Variants in FARP1 observed in about 807,000 individuals in gnomAD.
The protein encoded by FARP1 is FERM, ARH/RhoGEF and pleckstrin domain protein 1, also known as FERM, ARHGEF and pleckstrin domain-containing protein 1.
In FARP1, 52 loss-of-function variants were observed where a neutral mutation model predicts 128.8. The ratio of observed to expected loss-of-function variants is 0.40; its 90% CI spans 0.32 to 0.51. The LOEUF is 0.51. Among genes scored for constraint, FARP1 ranks in the 20% least tolerant of loss-of-function variants. The pLI is 0.45. For synonymous variants in FARP1, 580 were observed against 551.8 expected (o/e 1.05, Z -0.72); for missense variants, 1,333 against 1,367.9 (o/e 0.97, Z 0.40).
intron 3 of FARP1, among the ~76,000 whole-genome samples, chr13:98,354,301 C>G (rs193010043): frequency 6.6e-6 from 1 of 152,216 alleles, no homozygotes; most frequent in East Asian, 1.9e-4. Context: ...CTACGATTTT[C>G]AGTTCAAATT....
At chr13:98,235,266 C>T (rs1421427359) in intron 2 of FARP1, among the ~76,000 whole-genome samples, 4 of 152,158 alleles carry the variant, frequency 2.6e-5, no homozygotes, top group Admixed American at 6.5e-5. Context: ...ACATAAGTTT[C>T]ATCACAGTGC....
intron 19 of FARP1, among the ~76,000 whole-genome samples, chr13:98,436,382 A>G (rs1418159301): frequency 1.3e-5 from 2 of 152,216 alleles, no homozygotes; most frequent in African/African-American, 4.8e-5. Flanking sequence ...ATCATCACCC[A>G]GGAATCAAAC....
intron 16 of FARP1, among the ~76,000 whole-genome samples, chr13:98,418,857 A>G (rs1566306226): frequency 2.0e-5 from 3 of 152,328 alleles, no homozygotes; most frequent in East Asian, 1.9e-4. Context: ...CCTGGATGCT[A>G]TCAAACCTGC....
Position 98,297,629 on chromosome 13 carries a change from C to T in FARP1, c.172-46133C>T, listed in dbSNP as rs528459479. On this transcript the variant is annotated intron_variant, in intron 2 of 26. Coordinates refer to ENST00000319562, the MANE Select transcript of FARP1 (RefSeq NM_005766.4). ...CTGCCTGATTCTCTTTGGGTTATTACTACTGTGGGAAGGAGGACATTTGGG... is the reference window on the plus strand; with the variant it reads ...CTGCCTGATTCTCTTTGGGTTATTATTACTGTGGGAAGGAGGACATTTGGG... 2.1e-4 allele frequency among the ~76,000 whole-genome samples: 32 copies of T among 152,242 alleles called. No individual in the cohort carries two copies. In the East Asian group the frequency reaches 5.8e-3, roughly 28 times the overall value.
At chr13:98,307,021 G>A (rs1226656560) in intron 2 of FARP1, among the ~76,000 whole-genome samples, 1 of 152,186 alleles carries the variant, frequency 6.6e-6, no homozygotes, top group Non-Finnish European at 1.5e-5. Context: ...GAGCTGAGAA[G>A]CTCAACAGCT....
chr13:98,219,480 T>A (rs1881287720), intron 2 of FARP1, among the ~76,000 whole-genome samples: 1 of 151,606 alleles, frequency 6.6e-6, no homozygotes, highest in African/African-American at 2.4e-5. Context: ...GGACTACAGG[T>A]GCATGCCACC....
At chr13:98,237,954 G>C (rs950743846) in intron 2 of FARP1, among the ~76,000 whole-genome samples, 2 of 152,022 alleles carry the variant, frequency 1.3e-5, no homozygotes, top group African/African-American at 2.4e-5. Context: ...TTTTATGTGA[G>C]TGCAGGCTTG....
rs760473299 is a variant in FARP1 at position 98,431,247 on chromosome 13, C to G, written c.2110C>G (p.Pro704Ala). 3.1e-5 allele frequency: 49 copies of G among 1,582,540 alleles called. No individual in the cohort carries two copies. Among genetic ancestry groups the G allele is most frequent in the Non-Finnish European group, 4.0e-5 (47 of 1,165,750 alleles). ...CCTGGAGCGGCTGTGCAAACACCAC[C>G]CGCCGAGCCACGCCGACTTCAGGGA... is the stretch of plus-strand genomic sequence containing the variant. ...QVLERLCKHH[P>A]PSHADFRDCR... is the part of the protein sequence containing the mutation. Residue 704 changes from proline (P) to alanine (A), a missense_variant, in exon 18 of 27, where the codon CCG becomes GCG. Coordinates refer to ENST00000319562, the MANE Select transcript of FARP1 (RefSeq NM_005766.4).
chr13:98,330,074 G>A (rs1276946465), intron 2 of FARP1: 1 of 152,366 alleles, frequency 6.6e-6, no homozygotes, highest in Non-Finnish European at 1.5e-5. Flanking sequence ...AGAAAGAGGT[G>A]AGGGAATTAG....
intron 2 of FARP1, among the ~76,000 whole-genome samples, chr13:98,267,766 G>T (rs116616286): frequency 0.011 from 1,613 of 152,254 alleles, 37 homozygotes; most frequent in African/African-American, 0.037. Flanking sequence ...AGGACGTGCT[G>T]GGTTCCTGGG....
In FARP1 at chr13:98,261,020, A is replaced by G. The variant is rs551323489; in HGVS notation, c.171+47607A>G. The stretch of plus-strand genomic sequence containing the variant: ...AATTCTGCTCTGTGTAGGGGTGTGT[A>G]TTAGGACTGCAGGATGGACAGGTGT... On this transcript the variant is annotated intron_variant, in intron 2 of 26. Transcript: ENST00000319562. 4.6e-5 allele frequency among the ~76,000 whole-genome samples: 7 copies of G among 152,224 alleles called. No individual in the cohort carries two copies. In the South Asian group the frequency reaches 1.0e-3, roughly 23 times the overall value.
intron 2 of FARP1, among the ~76,000 whole-genome samples, chr13:98,310,931 G>A (rs1886432190): frequency 1.3e-5 from 2 of 152,124 alleles, no homozygotes; most frequent in African/African-American, 2.4e-5. Context: ...GAGGTCAAAG[G>A]GCATAGCAAT....
chr13:98,387,163 T>C (rs1218067197), intron 8 of FARP1, among the ~76,000 whole-genome samples: 1 of 152,096 alleles, frequency 6.6e-6, no homozygotes, highest in South Asian at 2.1e-4. Flanking sequence ...TAGCTGGGCA[T>C]GATGGCGTGT....
At chr13:98,226,650 A>G (rs1301526884) in intron 2 of FARP1, among the ~76,000 whole-genome samples, 2 of 152,164 alleles carry the variant, frequency 1.3e-5, no homozygotes, top group Admixed American at 1.3e-4. Context: ...TTGGAGCATA[A>G]TGTAGTCTGG....
intron 24 of FARP1, among the ~76,000 whole-genome samples, chr13:98,443,312 C>T (rs1291826240): frequency 2.6e-5 from 4 of 152,346 alleles, no homozygotes; most frequent in Middle Eastern, 3.4e-3. Context: ...CCACCTAGTA[C>T]AGTCAGGGAC....
intron 26 of FARP1, chr13:98,447,105 C>A: frequency 2.8e-6 from 1 of 356,352 alleles, no homozygotes; most frequent in Non-Finnish European, 5.2e-6. Flanking sequence ...AGCTAAGCCC[C>A]AGTGAGACTG....
At chr13:98,185,366 G>T (rs1215556511) in intron 1 of FARP1, among the ~76,000 whole-genome samples, 3 of 152,156 alleles carry the variant, frequency 2.0e-5, no homozygotes, top group Admixed American at 6.5e-5. Flanking sequence ...AAGCATGCAG[G>T]CGTTGGGATT....
At chr13:98,292,247 A>G (rs1489832793) in intron 2 of FARP1, among the ~76,000 whole-genome samples, 1 of 152,246 alleles carries the variant, frequency 6.6e-6, no homozygotes, top group Non-Finnish European at 1.5e-5. Flanking sequence ...AATTCAATAC[A>G]TAGCATCCAC....
chr13:98,417,924 T>C (rs1566305594), intron 16 of FARP1, among the ~76,000 whole-genome samples: 1 of 152,224 alleles, frequency 6.6e-6, no homozygotes, highest in Non-Finnish European at 1.5e-5. Context: ...CTAGGTATCA[T>C]TAAAAGAAAA....
Sources: allele counts gnomAD v4.1 joint callset (sites outside exome capture counted in the v4.1 genomes callset), GRCh38; gene constraint gnomAD v4.1.1; transcripts MANE v1.5; gene names NCBI Gene and HGNC (gene_info 2026-07-23, HGNC 2026-07-21).